The following NCOR1 variants were observed in gnomAD, a reference collection of about 807,000 sequenced individuals.
NCOR1 encodes protein phosphatase 1, regulatory subunit 109.
A neutral mutation model predicts 288.1 loss-of-function variants in NCOR1; 63 were observed. The ratio of observed to expected loss-of-function variants is 0.22; its 90% CI spans 0.18 to 0.27. The LOEUF (loss-of-function observed/expected upper bound fraction) is 0.27. Ranked by LOEUF, NCOR1 falls within the 10% of genes least tolerant of loss-of-function variation. The pLI, the probability that NCOR1 is intolerant of heterozygous loss-of-function variation, is 1.00. For synonymous variants in NCOR1, 1,007 were observed against 1,065.9 expected (o/e 0.94, Z 1.08); for missense variants, 2,397 against 3,019.2 (o/e 0.79, Z 4.83).
intron 19 of NCOR1, among the ~76,000 whole-genome samples, chr17:16,102,520 A>G (rs962005082): frequency 9.2e-5 from 14 of 152,154 alleles, no homozygotes; most frequent in African/African-American, 3.4e-4. Context: ...ATAGCAAAAA[A>G]TCATAAGATT....
Position 16,048,845 on chromosome 17 carries a change from C to G in NCOR1, c.6536G>C (p.Arg2179Thr), listed in dbSNP as rs757521894. 2.5e-6 allele frequency: 4 copies of G among 1,606,690 alleles called. No homozygotes were observed. Among genetic ancestry groups the G allele is most frequent in the East Asian group, 2.2e-5 (1 of 44,532 alleles). ...TGCTGTCACTAGGAAGCACACTTAC[C>G]TCTGCTCTGCAGGCTCTGCGCCCCT... is the stretch of plus-strand genomic sequence containing the variant. ...SQRGAEPAEQ[R>T]NDARSPGSIS... The change falls in exon 41 of 46, where the codon AGG becomes ACG. Residue 2179 changes from arginine to threonine, a missense_variant and splice_region_variant. By Grantham distance (71) the Arg-to-Thr change is moderately conservative. This residue lies in a region of NCOR1 where 1,872 missense variants were observed against 2,187.8 expected (regional missense o/e 0.86). Coordinates refer to ENST00000268712, the MANE Select transcript of NCOR1 (RefSeq NM_006311.4).
chr17:16,061,407 T>C lies in NCOR1; in HGVS notation c.5875A>G (p.Ser1959Gly), dbSNP rs1372508105. The part of the protein sequence containing the change: ...ERGSQSSDSS[S>G]SLSSHRYETP... ...CTCGGATTGAGATACATACAGCTAC[T>C]AGAAGAGTCTGAACTTTGAGAGCCA... The change falls in exon 37 of 46, where the codon AGT becomes GGT. Residue 1959 changes from serine to glycine, a missense_variant. Physicochemically the swap from Ser to Gly is moderately conservative, Grantham distance 56. Around this residue, in one of 11 missense-constraint regions of NCOR1, gnomAD observed 1,872 missense variants for 2,187.8 expected, o/e 0.86. Transcript: ENST00000268712. 5 of 1,613,986 alleles carry C rather than the reference T, an allele frequency of 3.1e-6. No homozygotes were observed. In the Admixed American group the frequency reaches 6.7e-5, roughly 22 times the overall value.
At chr17:16,173,490 A>G (rs1005162069) in intron 3 of NCOR1, among the ~76,000 whole-genome samples, 4 of 152,154 alleles carry the variant, frequency 2.6e-5, no homozygotes, top group Non-Finnish European at 4.4e-5. Flanking sequence ...ATGATTCCAT[A>G]TGTGGCACCC....
intron 32 of NCOR1, among the ~76,000 whole-genome samples, chr17:16,066,110 A>AT (rs2061093676): frequency 6.6e-6 from 1 of 152,216 alleles, no homozygotes; most frequent in African/African-American, 2.4e-5. Flanking sequence ...GGGGGTGAAA[A>AT]TGATTATAGA....
chr17:16,168,164 T>C (rs1292052792), intron 4 of NCOR1, among the ~76,000 whole-genome samples: 2 of 152,142 alleles, frequency 1.3e-5, no homozygotes, highest in African/African-American at 4.8e-5. Flanking sequence ...AATAGACATG[T>C]GGTGTCAGCA....
In NCOR1 at chr17:16,157,547, A is replaced by G. The variant is rs568299372; in HGVS notation, c.732+1213T>C. Among the ~76,000 whole-genome samples, 22 of 152,278 alleles carry G rather than the reference A, an allele frequency of 1.4e-4. 1 individual carries two copies. The highest frequency in any genetic ancestry group is 5.1e-4 in the African/African-American group (21 of 41,564). On this transcript the variant is annotated intron_variant, in intron 6 of 45. Coordinates refer to ENST00000268712, the MANE Select transcript of NCOR1 (RefSeq NM_006311.4). ...TTCACAATTGCTTTATTTAAGGTCA[A>G]TTTCCTTTCGGCTGTGGACTACTAT...
At chr17:16,151,862 A>G in intron 8 of NCOR1, 84 bp downstream of exon 8, 1 of 1,064,854 alleles carries the variant, frequency 9.4e-7, no homozygotes, top group South Asian at 1.4e-5. Context: ...ATATATTATA[A>G]TAATGTCAGC....
intron 3 of NCOR1, among the ~76,000 whole-genome samples, chr17:16,173,683 A>C (rs1184310575): frequency 6.6e-6 from 1 of 152,210 alleles, no homozygotes; most frequent in Non-Finnish European, 1.5e-5. Context: ...TCATCCCAGC[A>C]GTTTGGGAGG....
intron 40 of NCOR1, among the ~76,000 whole-genome samples, chr17:16,052,894 TCCA>T (rs1475277006): frequency 6.6e-6 from 1 of 152,192 alleles, no homozygotes; most frequent in African/African-American, 2.4e-5. Context: ...AAAAAGCTTA[TCCA>T]CCACAATCAA....
In NCOR1 at chr17:16,098,410, T is replaced by C. The variant is rs754201346; in HGVS notation, c.2777A>G (p.Asp926Gly). 3 of 1,614,142 alleles carry C rather than the reference T, an allele frequency of 1.9e-6. No homozygotes were observed. Among genetic ancestry groups the C allele is most frequent in the South Asian group, 2.2e-5 (2 of 91,084 alleles). Reference protein sequence around the residue: ...VSSPLKPNPLDLPQLQHRAAV... With the variant: ...VSSPLKPNPLGLPQLQHRAAV... ...AGCTCGATGCTGAAGCTGTGGCAGA[T>C]CCAGTGGATTTGGTTTTAACGGAGA... Residue 926 changes from aspartate to glycine, a missense_variant, in exon 21 of 46, where the codon GAT becomes GGT. Physicochemically the swap from Asp to Gly is moderately conservative, Grantham distance 94. Around this residue, in one of 11 missense-constraint regions of NCOR1, gnomAD observed 1,872 missense variants for 2,187.8 expected, o/e 0.86. Transcript: ENST00000268712.
Position 16,138,139 on chromosome 17 carries a change from A to T in NCOR1, c.1407+19T>A. The T allele has an allele frequency of 6.2e-7, 1 of 1,602,796 alleles. No individual in the cohort carries two copies. The highest frequency in any genetic ancestry group is 8.5e-7 in the Non-Finnish European group (1 of 1,170,428). On this transcript the variant is annotated intron_variant, in intron 13 of 45. Coordinates refer to ENST00000268712, the MANE Select transcript of NCOR1 (RefSeq NM_006311.4). ...CCATCACAAACCTACAAACACTCCC[A>T]ATGCAAACCATGTCTTACCTTCCTC...
rs909552730 is a variant in NCOR1, at chr17:16,039,497, G to A, written c.6891C>T (p.Ala2297=). The A allele has an allele frequency of 4.3e-6, 7 of 1,613,888 alleles. No homozygotes were observed. Among genetic ancestry groups the A allele is most frequent in the Non-Finnish European group, 5.9e-6 (7 of 1,180,002 alleles). ...CACCACTGGTCACAACTGAGGTGTT[G>A]GCAGTACCAGGCACTACTCCCATAG... ...SQPMGVVPGT[A]NTSVVTSGET... is the part of the protein sequence containing the mutation. Residue 2297 remains alanine, a synonymous_variant, in exon 44 of 46, where the codon GCC becomes GCT. Transcript: ENST00000268712.
intron 14 of NCOR1, among the ~76,000 whole-genome samples, chr17:16,133,132 C>G (rs981381014): frequency 4.6e-5 from 7 of 152,050 alleles, no homozygotes; most frequent in African/African-American, 1.7e-4. Context: ...CCACTCCAGG[C>G]TAATTTTTGC....
chr17:16,158,741 A>C lies in NCOR1; in HGVS notation c.732+19T>G. On this transcript the variant is annotated intron_variant, in intron 6 of 45. Coordinates refer to ENST00000268712, the MANE Select transcript of NCOR1 (RefSeq NM_006311.4). The stretch of plus-strand genomic sequence containing the variant: ...AGTGGGGTTAAAGGCCTGTGCTGCC[A>C]GAGATGGTATGAGCTTACCCGATTC... The C allele has an allele frequency of 1.1e-5, 17 of 1,536,288 alleles. No individual in the cohort carries two copies. The highest frequency in any genetic ancestry group is 1.4e-5 in the Non-Finnish European group (16 of 1,111,666).
At chr17:16,093,000 G>A (rs549962449) in intron 21 of NCOR1, among the ~76,000 whole-genome samples, 2 of 151,902 alleles carry the variant, frequency 1.3e-5, no homozygotes, top group South Asian at 4.2e-4. Flanking sequence ...CACCGTGCCT[G>A]GCAGATCACA....
chr17:16,158,794 C>T lies in NCOR1; in HGVS notation c.698G>A (p.Arg233His), dbSNP rs201825211. 6.2e-6 allele frequency: 10 copies of T among 1,613,952 alleles called. No individual in the cohort carries two copies. Among genetic ancestry groups the T allele is most frequent in the Admixed American group, 1.7e-5 (1 of 60,020 alleles). Residue 233 changes from arginine to histidine, a missense_variant, in exon 6 of 46, where the codon CGC (arginine) becomes CAC (histidine). Arg to His is a conservative substitution (Grantham distance 29). This residue lies in a region of NCOR1 where 76 missense variants were observed against 102.2 expected (regional missense o/e 0.74). Transcript: ENST00000268712. The part of the protein sequence containing the change: ...VSPPPVEQKH[R>H]SIVQIIYDEN... ...ATCATAAATAATTTGGACAATACTGCGGTGTTTCTGCTCCACAGGAGGAGG... is the reference window on the plus strand; with the variant it reads ...ATCATAAATAATTTGGACAATACTGTGGTGTTTCTGCTCCACAGGAGGAGG...
At chr17:16,135,995 T>G (rs951909529) in intron 14 of NCOR1, among the ~76,000 whole-genome samples, 3 of 152,148 alleles carry the variant, frequency 2.0e-5, no homozygotes, top group Non-Finnish European at 2.9e-5. Flanking sequence ...TATCCGGGTG[T>G]AGACAGCAAA....
chr17:16,178,804 G>GTATTATATAA (rs1179830556), intron 3 of NCOR1, among the ~76,000 whole-genome samples: 1 of 152,058 alleles, frequency 6.6e-6, no homozygotes, highest in Non-Finnish European at 1.5e-5. Context: ...ACCAAGAAAT[G>GTATTATATAA]TATTATATAA....
chr17:16,146,385 C>A lies in NCOR1; in HGVS notation c.1073G>T (p.Arg358Ile). Reference protein sequence around the residue: ...EIRKQREQQERFQRVGQRGAG... With the variant: ...EIRKQREQQEIFQRVGQRGAG... ...ACATCAAACTACTCACCGCTGAAAT[C>A]TTTCTTGCTGTTCTCTTTGTTTTCG... is the stretch of plus-strand genomic sequence containing the variant. The change falls in exon 10 of 46, where the codon AGA becomes ATA. Residue 358 changes from arginine to isoleucine, a missense_variant. By Grantham distance (97) the Arg-to-Ile change is moderately conservative. Transcript: ENST00000268712. 1 of 1,601,900 alleles carries A rather than the reference C, an allele frequency of 6.2e-7. No individual in the cohort carries two copies. The highest frequency in any genetic ancestry group is 8.5e-7 in the Non-Finnish European group (1 of 1,176,672).
Sources: allele counts gnomAD v4.1 joint callset (sites outside exome capture counted in the v4.1 genomes callset), GRCh38; gene constraint gnomAD v4.1.1; regional missense constraint gnomAD v4.1.1; transcripts MANE v1.5; gene names NCBI Gene and HGNC (gene_info 2026-07-23, HGNC 2026-07-21).